The following ERN1 variants were observed in gnomAD, a reference collection of about 807,000 sequenced individuals.
ERN1 encodes the protein serine/threonine-protein kinase/endoribonuclease IRE1.
In ERN1, 39 loss-of-function variants were observed where a neutral mutation model predicts 113.1. The observed-to-expected ratio is 0.34, with a 90% CI of 0.27 to 0.45. The LOEUF (loss-of-function observed/expected upper bound fraction) is 0.45, where lower values mean the gene tolerates loss of function less well. Among genes scored for constraint, ERN1 ranks in the 20% least tolerant of loss-of-function variants. The probability of loss-of-function intolerance (pLI) is 1.00; values close to 1 mark genes in which losing one functional copy is unlikely to be tolerated. For synonymous variants in ERN1, 507 were observed against 515.9 expected, an observed-to-expected ratio of 0.98 and a Z score of 0.23; for missense variants, 976 against 1,274.8, an observed-to-expected ratio of 0.77 and a Z score of 3.57.
At chr17:64,107,470 C>T (rs1320516282) in intron 1 of ERN1, among the ~76,000 whole-genome samples, 1 of 152,060 alleles carries the variant, frequency 6.6e-6, no homozygotes, top group Non-Finnish European at 1.5e-5. Flanking sequence ...TACAAGCATG[C>T]ACCACTATGC....
chr17:64,059,452 A>G (rs967184582), intron 11 of ERN1, among the ~76,000 whole-genome samples: 1 of 152,030 alleles, frequency 6.6e-6, no homozygotes, highest in Non-Finnish European at 1.5e-5. Context: ...ATCGGTCACT[A>G]AGCCTCAGAC....
In ERN1 at chr17:64,129,805, C is replaced by G. The variant is rs1003740233; in HGVS notation, c.54+171G>C. On this transcript the variant is annotated intron_variant, in intron 1 of 21. Coordinates refer to ENST00000433197, the MANE Select transcript of ERN1 (RefSeq NM_001433.5). ...TCCCGTCAGGGAAGCTCTCCCGGCC[C>G]GGTGCCGCCTCCTACGCCCGGCCCG... 3.8e-5 allele frequency: 20 copies of G among 522,904 alleles called. No homozygotes were observed. In the South Asian group the frequency reaches 1.5e-3, roughly 39 times the overall value. The allele number at this position is 522,904 out of a possible 1,614,324, so 32.4% of individuals were successfully genotyped here. A position where few individuals can be genotyped will look rare whatever the true frequency, so the allele number is the denominator to read the frequency against.
intron 5 of ERN1, among the ~76,000 whole-genome samples, chr17:64,072,396 G>A (rs938443281): frequency 1.3e-5 from 2 of 152,244 alleles, no homozygotes; most frequent in Non-Finnish European, 2.9e-5. Context: ...TTGCTTTGAT[G>A]AGTGGCTTTA....
At chr17:64,050,841 A>T (rs1431585066) in intron 17 of ERN1, among the ~76,000 whole-genome samples, 1 of 152,112 alleles carries the variant, frequency 6.6e-6, no homozygotes, top group Non-Finnish European at 1.5e-5. Context: ...GCTGTAACTG[A>T]CTTCTTTGAT....
At chr17:64,098,511 A>C in intron 1 of ERN1, 1 of 643,284 alleles carries the variant, frequency 1.6e-6, no homozygotes. Flanking sequence ...GGCAACCTCC[A>C]CTGAAACAGA....
chr17:64,102,461 T>C (rs1357714961), intron 1 of ERN1, among the ~76,000 whole-genome samples: 2 of 152,224 alleles, frequency 1.3e-5, no homozygotes, highest in African/African-American at 4.8e-5. Flanking sequence ...GGCTCTCAAC[T>C]GTACCAAATC....
chr17:64,098,570 T>C (rs776645839), intron 1 of ERN1: 4 of 562,828 alleles, frequency 7.1e-6, no homozygotes, highest in Non-Finnish European at 1.0e-5. Flanking sequence ...GGGCCTATTC[T>C]ATTCTCTAAA....
chr17:64,068,389 A>C, intron 6 of ERN1, 98 bp from the exon 7 acceptor site: 1 of 847,938 alleles, frequency 1.2e-6, no homozygotes, highest in Non-Finnish European at 1.9e-6. Flanking sequence ...ATCCTCCCTA[A>C]ACTGTAGGCC....
At position 64,054,703 on chromosome 17, in the gene ERN1, G is replaced by A. The variant is rs755390340; in HGVS notation, c.1763+35C>T. 6.6e-7 allele frequency: 1 copy of A among 1,515,338 alleles called. No individual in the cohort carries two copies. The highest frequency in any genetic ancestry group is 9.0e-7 in the Non-Finnish European group (1 of 1,107,950). The allele number at this position is 1,515,338 out of a possible 1,614,324, so 93.9% of individuals were successfully genotyped here. A position where few individuals can be genotyped will look rare whatever the true frequency, so the allele number is the denominator to read the frequency against. On this transcript the variant is annotated intron_variant, in intron 14 of 21. Transcript: ENST00000433197. This position sits in a 1 kb window ranked among gnomAD's most constrained non-coding sequence, Gnocchi z 4.9. ...CAACCTGACAGGCACTTAGACACCA[G>A]GCGGTGAGGGCAGGGGGCTGGCTAA...
At chr17:64,108,389 C>A (rs1914586962) in intron 1 of ERN1, among the ~76,000 whole-genome samples, 1 of 152,108 alleles carries the variant, frequency 6.6e-6, no homozygotes, top group Non-Finnish European at 1.5e-5. Context: ...ACATTGCCAT[C>A]ATTGGAAGAA....
chr17:64,042,947 T>G lies in ERN1; in HGVS notation c.*1041A>C, dbSNP rs1352283417. 6.6e-6 allele frequency: 1 copy of G among 152,268 alleles called. No homozygotes were observed. Among genetic ancestry groups the G allele is most frequent in the Admixed American group, 6.5e-5 (1 of 15,286 alleles). The allele number at this position is 152,268 out of a possible 1,614,324, so 9.4% of individuals were successfully genotyped here. A position where few individuals can be genotyped will look rare whatever the true frequency, so the allele number is the denominator to read the frequency against. On this transcript the variant is annotated 3_prime_UTR_variant, in exon 22 of 22. Transcript: ENST00000433197. ...TAATCAAAATATAGTTATTAAAATTTGCCAAGAAAAACAAAAAAGCTGGCC... is the reference window on the plus strand; with the variant it reads ...TAATCAAAATATAGTTATTAAAATTGGCCAAGAAAAACAAAAAAGCTGGCC...
chr17:64,092,067 G>A (rs1914106423), intron 2 of ERN1, among the ~76,000 whole-genome samples: 1 of 152,148 alleles, frequency 6.6e-6, no homozygotes, highest in African/African-American at 2.4e-5. Flanking sequence ...TCTGAGGGCA[G>A]TGTGATGAGT....
intron 11 of ERN1, 118 bp from the exon 12 acceptor site, chr17:64,058,111 T>G (rs962973541): frequency 2.5e-6 from 2 of 806,768 alleles, no homozygotes; most frequent in Non-Finnish European, 3.8e-6. Context: ...CAGGGGGTTT[T>G]ATTTGTTTTA....
In ERN1 at chr17:64,054,684, G is replaced by A; in HGVS notation, c.1763+54C>T. ...GAGCCTGGCACCAGGCTCGCAACCT[G>A]ACAGGCACTTAGACACCAGGCGGTG... On this transcript the variant is annotated intron_variant, in intron 14 of 21. Coordinates refer to ENST00000433197, the MANE Select transcript of ERN1 (RefSeq NM_001433.5). The surrounding 1 kb of genome is among the most constrained non-coding windows in gnomAD (Gnocchi z 4.9). 1 of 1,419,188 alleles carries A rather than the reference G, an allele frequency of 7.0e-7. No homozygotes were observed. The highest frequency in any genetic ancestry group is 1.2e-5 in the South Asian group (1 of 80,294). 87.9% of individuals were successfully genotyped at this position (1,419,188 alleles called of 1,614,324 possible).
chr17:64,077,530 T>A (rs1913630890), intron 4 of ERN1, among the ~76,000 whole-genome samples: 2 of 152,134 alleles, frequency 1.3e-5, no homozygotes, highest in Non-Finnish European at 2.9e-5. Flanking sequence ...TGGCAGCGTG[T>A]GGCCTTTTTT....
intron 2 of ERN1, among the ~76,000 whole-genome samples, chr17:64,091,768 G>A (rs755994959): frequency 7.2e-5 from 11 of 151,992 alleles, no homozygotes; most frequent in African/African-American, 1.2e-4. Context: ...GAGTTGGGGC[G>A]GGGGGGCGGC....
At chr17:64,070,836 T>C (rs1913388651) in intron 6 of ERN1, among the ~76,000 whole-genome samples, 1 of 152,224 alleles carries the variant, frequency 6.6e-6, no homozygotes, top group East Asian at 1.9e-4. Flanking sequence ...ATCCCCGACA[T>C]GTGTGAGGTG....
intron 1 of ERN1, among the ~76,000 whole-genome samples, chr17:64,103,280 TG>T (rs1215439210): frequency 2.6e-5 from 4 of 152,176 alleles, no homozygotes; most frequent in African/African-American, 9.6e-5. Context: ...GCGGATCACT[TG>T]AGGTCAGGAA....
chr17:64,058,974 T>C (rs1002939213), intron 11 of ERN1, among the ~76,000 whole-genome samples: 8 of 152,334 alleles, frequency 5.3e-5, no homozygotes, highest in Admixed American at 4.6e-4. Flanking sequence ...ACCATACAGA[T>C]GCACCTGAGA....
Sources: allele counts gnomAD v4.1 joint callset (sites outside exome capture counted in the v4.1 genomes callset), GRCh38; gene constraint gnomAD v4.1.1; non-coding constraint Gnocchi (gnomAD v3.1); transcripts MANE v1.5; gene names NCBI Gene and HGNC (gene_info 2026-07-23, HGNC 2026-07-21).